Variants in FHIT observed in about 807,000 individuals in gnomAD.
The protein encoded by FHIT is bis(5'-adenosyl)-triphosphatase.
Under a neutral mutation model 17.9 loss-of-function variants are expected in FHIT, and 19 were observed. The observed-to-expected ratio is 1.06, with a 90% CI of 0.74 to 1.56. FHIT has a LOEUF of 1.56. Ranked by LOEUF, FHIT falls within the 40% of genes most tolerant of loss-of-function variation. The pLI, the probability that FHIT is intolerant of heterozygous loss-of-function variation, is 0.00. For missense variants in FHIT, 248 were observed against 189.2 expected, an observed-to-expected ratio of 1.31 and a Z score of -1.82; for synonymous variants, 81 against 69.7, an observed-to-expected ratio of 1.16 and a Z score of -0.81.
chr3:61,088,052 A>G (rs894027999), intron 2 of FHIT, among the ~76,000 whole-genome samples: 2 of 152,066 alleles, frequency 1.3e-5, no homozygotes, highest in African/African-American at 4.8e-5. Flanking sequence ...TTTGCTTTCA[A>G]TTCAAAATTC....
intron 4 of FHIT, among the ~76,000 whole-genome samples, chr3:60,696,926 A>T (rs1393354987): frequency 6.6e-6 from 1 of 152,112 alleles, no homozygotes; most frequent in Non-Finnish European, 1.5e-5. Flanking sequence ...TTTTGAGGGG[A>T]AGAGTATTTT....
chr3:60,155,570 A>G (rs1032384767), intron 5 of FHIT, among the ~76,000 whole-genome samples: 2 of 151,922 alleles, frequency 1.3e-5, no homozygotes, highest in African/African-American at 4.8e-5. Flanking sequence ...GTCAATTGCA[A>G]CTCTTCCCTC....
chr3:59,965,548 G>C (rs1474799752), intron 7 of FHIT, among the ~76,000 whole-genome samples: 12 of 152,144 alleles, frequency 7.9e-5, no homozygotes, highest in African/African-American at 2.9e-4. Flanking sequence ...TATTCAAAGA[G>C]TTTTGTCTTA....
chr3:60,108,468 C>A (rs1255503132), intron 5 of FHIT, among the ~76,000 whole-genome samples: 5 of 152,078 alleles, frequency 3.3e-5, no homozygotes, highest in African/African-American at 1.2e-4. Flanking sequence ...CTAGTACCCA[C>A]CCCTGTGTCC....
intron 3 of FHIT, among the ~76,000 whole-genome samples, chr3:61,021,598 CAAAAAAA>C (rs34870709): frequency 7.8e-5 from 5 of 63,848 alleles, no homozygotes; most frequent in Non-Finnish European, 1.4e-4. Flanking sequence ...GACTCCGTCT[CAAAAAAA>C]AAAAAAAAAA....
At chr3:60,752,316 T>C (rs544421551) in intron 4 of FHIT, among the ~76,000 whole-genome samples, 70 of 152,342 alleles carry the variant, frequency 4.6e-4, no homozygotes, top group Non-Finnish European at 9.1e-4. Context: ...ACTTTGCTTT[T>C]GCACTTATTT....
chr3:60,965,423 C>G (rs1334190037), intron 3 of FHIT, among the ~76,000 whole-genome samples: 6 of 152,208 alleles, frequency 3.9e-5, no homozygotes, highest in African/African-American at 7.2e-5. Context: ...TCTTCTGAAG[C>G]CTTCTTCACT....
intron 3 of FHIT, among the ~76,000 whole-genome samples, chr3:60,847,615 TACAC>T (rs1702976314): frequency 6.6e-6 from 1 of 152,038 alleles, no homozygotes; most frequent in African/African-American, 2.4e-5. Context: ...TCTTGGAAAA[TACAC>T]CCACAAGCCC....
At chr3:61,176,669 CA>C (rs2038164992) in intron 2 of FHIT, among the ~76,000 whole-genome samples, 1 of 152,176 alleles carries the variant, frequency 6.6e-6, no homozygotes, top group East Asian at 1.9e-4. Flanking sequence ...TCCAGCTTTC[CA>C]GATGCCATCT....
chr3:60,359,950 T>A (rs76790634), intron 5 of FHIT, among the ~76,000 whole-genome samples: 5,175 of 149,850 alleles, frequency 0.035, 218 homozygotes, highest in African/African-American at 0.1. Flanking sequence ...AAAGCAATTA[T>A]GCAAACACTA....
chr3:61,047,674 G>C (rs937450955), intron 2 of FHIT, among the ~76,000 whole-genome samples: 19 of 152,172 alleles, frequency 1.2e-4, no homozygotes, highest in African/African-American at 3.9e-4. Flanking sequence ...ACATTGCTAA[G>C]TCAATCCTAA....
intron 5 of FHIT, among the ~76,000 whole-genome samples, chr3:60,374,356 G>A (rs1365404670): frequency 6.6e-6 from 1 of 151,684 alleles, no homozygotes; most frequent in African/African-American, 2.4e-5. Context: ...GATGACTTAG[G>A]GTGATCCAGA....
chr3:60,541,086 G>T (rs1025991430), intron 4 of FHIT, among the ~76,000 whole-genome samples: 1 of 152,106 alleles, frequency 6.6e-6, no homozygotes, highest in African/African-American at 2.4e-5. Flanking sequence ...CCCAATCCCT[G>T]GGCCTTTTCC....
rs57357848 is a variant in FHIT at position 61,065,268 on chromosome 3, A to AACACACAC, written c.-163-23177_-163-23170dup. Among the ~76,000 whole-genome samples, 56 of 148,446 alleles carry AACACACAC rather than the reference A, an allele frequency of 3.8e-4. 1 individual carries two copies. Among genetic ancestry groups the AACACACAC allele is most frequent in the African/African-American group, 9.6e-4 (39 of 40,532 alleles). On this transcript the variant is annotated intron_variant, in intron 2 of 9. Coordinates refer to ENST00000492590, the MANE Select transcript of FHIT (RefSeq NM_002012.4). ...GGCTTCTATCTCACGAGTCATTTTC[A>AACACACAC]ACACACACACACACACACACACACA...
chr3:60,000,984 G>A (rs1007487363), intron 7 of FHIT, among the ~76,000 whole-genome samples: 10 of 152,008 alleles, frequency 6.6e-5, no homozygotes, highest in African/African-American at 1.9e-4. Context: ...CCAGCTCTTC[G>A]CTGGCTAGGC....
intron 5 of FHIT, among the ~76,000 whole-genome samples, chr3:60,163,808 C>T (rs755453615): frequency 1.3e-4 from 20 of 152,188 alleles, no homozygotes; most frequent in Non-Finnish European, 2.5e-4. Flanking sequence ...TGCCTCCAGA[C>T]GTTGCCAGAA....
intron 4 of FHIT, among the ~76,000 whole-genome samples, chr3:60,731,878 G>A (rs2042037519): frequency 6.6e-6 from 1 of 152,088 alleles, no homozygotes; most frequent in Non-Finnish European, 1.5e-5. Context: ...TCCCTTTACT[G>A]CCCCAACTCA....
At chr3:61,045,154 G>T (rs1394015067) in intron 2 of FHIT, among the ~76,000 whole-genome samples, 1 of 152,074 alleles carries the variant, frequency 6.6e-6, no homozygotes, top group Non-Finnish European at 1.5e-5. Context: ...AATGTAAATG[G>T]GCTAAATGCT....
intron 2 of FHIT, among the ~76,000 whole-genome samples, chr3:61,166,697 G>T (rs894332325): frequency 1.3e-5 from 2 of 152,152 alleles, no homozygotes; most frequent in Non-Finnish European, 1.5e-5. Context: ...ACTGCAGATC[G>T]TCTTTCCTGC....
Sources: gnomAD v4.1 joint callset for allele counts (sites outside exome capture counted in the v4.1 genomes callset) on GRCh38, gnomAD v4.1.1 for gene constraint, MANE v1.5 for transcripts, NCBI Gene and HGNC (gene_info 2026-07-23, HGNC 2026-07-21) for gene names.